Variants in TAS2R1 observed in about 807,000 individuals in gnomAD.
TAS2R1 encodes taste receptor type 2 member 1.
For missense variants in TAS2R1, 370 were observed against 353.4 expected (o/e 1.05, Z -0.38); for synonymous variants, 141 against 134.2 (o/e 1.05, Z -0.35).
chr5:9,849,577 C>A, the TAS2R1 span, among the ~76,000 whole-genome samples: 1 of 152,214 alleles, frequency 6.6e-6, no homozygotes, highest in African/African-American at 2.4e-5. Context: ...GGCATCTGGA[C>A]ACTTCTGTGT....
the TAS2R1 span, among the ~76,000 whole-genome samples, chr5:9,788,157 T>G: frequency 1.3e-5 from 2 of 152,324 alleles, no homozygotes; most frequent in East Asian, 3.9e-4. Flanking sequence ...GAGAGCTTAA[T>G]GATTTCTTGT....
chr5:9,881,397 C>G, the TAS2R1 span, among the ~76,000 whole-genome samples: 1 of 152,016 alleles, frequency 6.6e-6, no homozygotes, highest in African/African-American at 2.4e-5. Flanking sequence ...TGCTCATGAA[C>G]AGAAAGAATC....
the TAS2R1 span, among the ~76,000 whole-genome samples, chr5:9,859,967 A>C: frequency 2.5e-4 from 38 of 152,236 alleles, no homozygotes; most frequent in African/African-American, 8.9e-4. Context: ...TTAAGTCAAC[A>C]GTCCAATCAT....
chr5:9,838,422 T>A, the TAS2R1 span, among the ~76,000 whole-genome samples: 1 of 152,168 alleles, frequency 6.6e-6, no homozygotes, highest in African/African-American at 2.4e-5. Context: ...ACACCCAATC[T>A]GAACATCTGC....
At chr5:9,796,125 T>C in the TAS2R1 span, among the ~76,000 whole-genome samples, 1 of 152,342 alleles carries the variant, frequency 6.6e-6, no homozygotes, top group East Asian at 1.9e-4. Flanking sequence ...TGATGTGGCA[T>C]GTCAGGACAC....
rs567474657 is a variant in TAS2R1, at chr5:9,641,574, G to A, written c.-80-11582C>T. On this transcript the variant is annotated intron_variant, in intron 2 of 2. Transcript: ENST00000506620. ...GCATTCATGTGACTGCTAAACTAATGTCCCCTTTTGCTTCCTGAATGAGCC... is the reference window on the plus strand; with the variant it reads ...GCATTCATGTGACTGCTAAACTAATATCCCCTTTTGCTTCCTGAATGAGCC... 3 of 152,290 alleles carry A rather than the reference G, an allele frequency of 2.0e-5. No homozygotes were observed. In the South Asian group the frequency reaches 6.2e-4, roughly 32 times the overall value. The allele number at this position is 152,290 out of a possible 1,614,324, so 9.4% of individuals were successfully genotyped here. A position where few individuals can be genotyped will look rare whatever the true frequency, so the allele number is the denominator to read the frequency against.
chr5:9,801,883 C>T, the TAS2R1 span, among the ~76,000 whole-genome samples: 1 of 152,242 alleles, frequency 6.6e-6, no homozygotes, highest in Admixed American at 6.5e-5. Context: ...GCAAGCCCTG[C>T]CTGGGGAGAG....
At chr5:9,783,519 C>T in the TAS2R1 span, among the ~76,000 whole-genome samples, 4 of 152,186 alleles carry the variant, frequency 2.6e-5, no homozygotes, top group East Asian at 1.9e-4. Flanking sequence ...CCTGCTGGGA[C>T]GTCCTTCCTT....
At position 9,629,315 on chromosome 5, in the gene TAS2R1, G is replaced by A. The variant is rs1438547991; in HGVS notation, c.718C>T (p.His240Tyr). The A allele has an allele frequency of 6.2e-7, 1 of 1,613,474 alleles. No homozygotes were observed. The highest frequency in any genetic ancestry group is 8.5e-7 in the Non-Finnish European group (1 of 1,179,840). Residue 240 changes from histidine to tyrosine, a missense_variant, in exon 1 of 1, where the codon CAC (histidine) becomes TAC (tyrosine). By Grantham distance (83) the His-to-Tyr change is moderately conservative. Transcript: ENST00000382492. ...ILSFLILYFSHCMIKVFLSSL... is the reference protein window; with the variant it reads ...ILSFLILYFSYCMIKVFLSSL... ...GAGAGAAAAACTTTTATCATGCAGT[G>A]GGAGAAGTAGAGGATCAGGAAGGAC...
chr5:9,757,900 T>C, the TAS2R1 span, among the ~76,000 whole-genome samples: 1 of 143,918 alleles, frequency 6.9e-6, no homozygotes, highest in Non-Finnish European at 1.6e-5. Flanking sequence ...TTTTAGAAAG[T>C]TTAGGCTATT....
At chr5:9,694,041 A>G (rs761384802) in intron 1 of TAS2R1, among the ~76,000 whole-genome samples, 2 of 152,232 alleles carry the variant, frequency 1.3e-5, no homozygotes, top group Non-Finnish European at 2.9e-5. Flanking sequence ...GAGATATCCA[A>G]TTTTAACAAA....
At chr5:9,746,295 G>A in the TAS2R1 span, among the ~76,000 whole-genome samples, 3 of 152,270 alleles carry the variant, frequency 2.0e-5, no homozygotes, top group South Asian at 4.2e-4. Context: ...TGGAGAAATA[G>A]GAACACTATT....
the TAS2R1 span, among the ~76,000 whole-genome samples, chr5:9,855,184 G>C: frequency 1.3e-5 from 2 of 152,146 alleles, no homozygotes; most frequent in African/African-American, 2.4e-5. Context: ...CCTCACATAG[G>C]AAACTTGTTT....
chr5:9,661,979 C>G (rs1370275996), intron 1 of TAS2R1, among the ~76,000 whole-genome samples: 2 of 152,136 alleles, frequency 1.3e-5, no homozygotes, highest in African/African-American at 4.8e-5. Context: ...GTTGGTTTCA[C>G]CAGGGGTCAC....
the TAS2R1 span, among the ~76,000 whole-genome samples, chr5:9,893,547 A>AT: frequency 3.9e-5 from 6 of 152,038 alleles, no homozygotes; most frequent in African/African-American, 1.4e-4. Context: ...CCACTTCAAA[A>AT]TTTTTTTTAA....
intron 1 of TAS2R1, among the ~76,000 whole-genome samples, chr5:9,680,617 A>AT (rs879379695): frequency 3.0e-4 from 45 of 152,316 alleles, no homozygotes; most frequent in Non-Finnish European, 4.7e-4. Context: ...CATGAAAAAA[A>AT]TCATCAAAAA....
the TAS2R1 span, among the ~76,000 whole-genome samples, chr5:9,780,970 A>G: frequency 6.6e-6 from 1 of 152,222 alleles, no homozygotes; most frequent in African/African-American, 2.4e-5. Context: ...CAGCTTGCCT[A>G]TGCATTTCAA....
intron 1 of TAS2R1, among the ~76,000 whole-genome samples, chr5:9,701,175 A>G (rs1741471957): frequency 6.6e-6 from 1 of 151,030 alleles, no homozygotes. Context: ...CAAGGGATTC[A>G]AGCTGAACAA....
the TAS2R1 span, among the ~76,000 whole-genome samples, chr5:9,840,886 TTTTTTTTGA>T: frequency 9.7e-6 from 1 of 102,848 alleles, no homozygotes; most frequent in African/African-American, 3.6e-5. Context: ...TTTTTTTTTT[TTTTTTTTGA>T]GATGGAGTCT....
Sources: allele counts gnomAD v4.1 joint callset (sites outside exome capture counted in the v4.1 genomes callset), GRCh38; gene constraint gnomAD v4.1.1; transcripts MANE v1.5; gene names NCBI Gene and HGNC (gene_info 2026-07-23, HGNC 2026-07-21).